ERBB4: variants seen among roughly 807,000 people sequenced by gnomAD.
The protein encoded by ERBB4 is receptor tyrosine-protein kinase erbB-4.
A neutral mutation model predicts 158.0 loss-of-function variants in ERBB4; 42 were observed. The ratio of observed to expected loss-of-function variants is 0.27; its 90% CI spans 0.21 to 0.34. The LOEUF (loss-of-function observed/expected upper bound fraction) is 0.34, where lower values mean the gene tolerates loss of function less well. ERBB4 is among the 10% of genes least tolerant of loss of function. The pLI is 1.00. For missense variants in ERBB4, 1,333 were observed against 1,624.1 expected, an observed-to-expected ratio of 0.82 and a Z score of 3.08; for synonymous variants, 583 against 558.7, an observed-to-expected ratio of 1.04 and a Z score of -0.61.
At chr2:211,505,321 G>GA (rs74269733) in intron 20 of ERBB4, among the ~76,000 whole-genome samples, 37 of 149,516 alleles carry the variant, frequency 2.5e-4, no homozygotes, top group Middle Eastern at 6.9e-3. Flanking sequence ...AAAGAAAAAA[G>GA]AAAAAAAAAA....
chr2:211,967,917 T>C (rs1177085281), intron 2 of ERBB4, among the ~76,000 whole-genome samples: 2 of 152,010 alleles, frequency 1.3e-5, no homozygotes, highest in African/African-American at 2.4e-5. Flanking sequence ...AATACGATTA[T>C]GTCTTTTCTC....
intron 12 of ERBB4, among the ~76,000 whole-genome samples, chr2:211,692,407 C>T (rs947347404): frequency 1.3e-5 from 2 of 152,170 alleles, no homozygotes; most frequent in Non-Finnish European, 2.9e-5. Context: ...ATTTCCTATT[C>T]ATGCTGTAAC....
chr2:211,423,198 A>G (rs2063548797), intron 23 of ERBB4, among the ~76,000 whole-genome samples: 1 of 152,006 alleles, frequency 6.6e-6, no homozygotes, highest in Non-Finnish European at 1.5e-5. Flanking sequence ...TTTCTTTCCA[A>G]CTAAATATTG....
intron 3 of ERBB4, among the ~76,000 whole-genome samples, chr2:211,826,397 A>T (rs191594818): frequency 6.6e-6 from 1 of 151,930 alleles, no homozygotes; most frequent in Non-Finnish European, 1.5e-5. Flanking sequence ...AAATTTGTTA[A>T]GTAATAAGTT....
At chr2:212,034,933 A>G (rs1575544934) in intron 2 of ERBB4, among the ~76,000 whole-genome samples, 1 of 152,316 alleles carries the variant, frequency 6.6e-6, no homozygotes, top group Middle Eastern at 3.4e-3. Context: ...GGAAATTTTT[A>G]GGAAATGACT....
At chr2:212,234,823 GGTTT>G (rs1326416755) in intron 1 of ERBB4, among the ~76,000 whole-genome samples, 2 of 151,886 alleles carry the variant, frequency 1.3e-5, no homozygotes, top group East Asian at 1.9e-4. Context: ...CTTTTTGATG[GGTTT>G]GTTTTTTTCC....
At chr2:211,975,621 G>C (rs2081584965) in intron 2 of ERBB4, among the ~76,000 whole-genome samples, 1 of 152,108 alleles carries the variant, frequency 6.6e-6, no homozygotes, top group South Asian at 2.1e-4. Flanking sequence ...TGAAGGGTAA[G>C]CTGATTTGCT....
At chr2:212,004,059 C>T (rs11685677) in intron 2 of ERBB4, among the ~76,000 whole-genome samples, 12,872 of 152,016 alleles carry the variant, frequency 0.085, 762 homozygotes, top group Non-Finnish European at 0.13. Flanking sequence ...AAATTATTCA[C>T]AATGTTGCTT....
chr2:212,286,594 CTT>C (rs71054190), intron 1 of ERBB4, among the ~76,000 whole-genome samples: 20 of 55,538 alleles, frequency 3.6e-4, no homozygotes, highest in African/African-American at 9.3e-4. Context: ...TAAGTGCTGA[CTT>C]TTTTTTTTTT....
intron 3 of ERBB4, among the ~76,000 whole-genome samples, chr2:211,904,372 T>C (rs997992385): frequency 6.6e-6 from 1 of 152,118 alleles, no homozygotes; most frequent in Non-Finnish European, 1.5e-5. Context: ...CAATCCAAGA[T>C]TTTAAAGCAT....
At chr2:211,794,145 G>A (rs1464369459) in intron 3 of ERBB4, among the ~76,000 whole-genome samples, 6 of 151,870 alleles carry the variant, frequency 4.0e-5, no homozygotes, top group Non-Finnish European at 4.4e-5. Context: ...GATTTCAATT[G>A]AATGAAGCTC....
chr2:212,462,636 T>G (rs1688632337), intron 1 of ERBB4, among the ~76,000 whole-genome samples: 2 of 152,030 alleles, frequency 1.3e-5, no homozygotes, highest in Non-Finnish European at 2.9e-5. Flanking sequence ...AAAGGAGAAT[T>G]CTTATACAGT....
chr2:212,286,605 T>TTTG (rs1452719439), intron 1 of ERBB4, among the ~76,000 whole-genome samples: 1 of 127,884 alleles, frequency 7.8e-6, no homozygotes, highest in Non-Finnish European at 1.7e-5. Flanking sequence ...TTTTTTTTTT[T>TTTG]TTTTTTTTTT....
chr2:212,252,100 T>C (rs968392186), intron 1 of ERBB4, among the ~76,000 whole-genome samples: 1 of 152,002 alleles, frequency 6.6e-6, no homozygotes, highest in Non-Finnish European at 1.5e-5. Context: ...TGAGAAAAGG[T>C]CAAAGATACG....
At chr2:211,576,309 C>A (rs753068571) in intron 19 of ERBB4, among the ~76,000 whole-genome samples, 33 of 152,040 alleles carry the variant, frequency 2.2e-4, no homozygotes, top group Non-Finnish European at 4.4e-4. Flanking sequence ...AAAAGGAGTA[C>A]CTCATAAAGA....
intron 20 of ERBB4, among the ~76,000 whole-genome samples, chr2:211,499,822 C>CAGTTATA (rs544078905): frequency 2.5e-3 from 375 of 152,146 alleles, no homozygotes; most frequent in Non-Finnish European, 3.1e-3. Flanking sequence ...CAAGGTGGTG[C>CAGTTATA]AGTTATAAAC....
At chr2:212,479,181 C>A (rs1377032036) in intron 1 of ERBB4, among the ~76,000 whole-genome samples, 1 of 152,036 alleles carries the variant, frequency 6.6e-6, no homozygotes, top group African/African-American at 2.4e-5. Flanking sequence ...CATAAAGGAA[C>A]TTCTATTCAT....
chr2:211,831,397 A>G (rs890583663), intron 3 of ERBB4, among the ~76,000 whole-genome samples: 2 of 152,124 alleles, frequency 1.3e-5, no homozygotes, highest in African/African-American at 2.4e-5. Flanking sequence ...TCTTGTTAAA[A>G]ACTTTAGCCA....
At chr2:211,535,989 G>A (rs2066640939) in intron 20 of ERBB4, among the ~76,000 whole-genome samples, 1 of 151,096 alleles carries the variant, frequency 6.6e-6, no homozygotes, top group Admixed American at 6.6e-5. Context: ...TAAATTTAAA[G>A]AACACCAAGA....
Sources: allele counts gnomAD v4.1 joint callset (sites outside exome capture counted in the v4.1 genomes callset), GRCh38; gene constraint gnomAD v4.1.1; transcripts MANE v1.5; gene names NCBI Gene and HGNC (gene_info 2026-07-23, HGNC 2026-07-21).